The following PHF14 variants were observed in gnomAD, a reference collection of about 807,000 sequenced individuals.
PHF14 encodes PHD finger protein 14.
PHF14 carries 55 observed loss-of-function variants against 117.9 expected under a neutral mutation model. That is an observed-to-expected ratio of 0.47 (90% confidence interval 0.38 to 0.58). The LOEUF (loss-of-function observed/expected upper bound fraction) is 0.58, where lower values mean the gene tolerates loss of function less well. PHF14 is among the 20% of genes least tolerant of loss of function. The pLI is 0.00. For synonymous variants in PHF14, 409 were observed against 368.6 expected, an observed-to-expected ratio of 1.11 and a Z score of -1.26; for missense variants, 978 against 1,122.2, an observed-to-expected ratio of 0.87 and a Z score of 1.84.
At chr7:11,159,662 A>G (rs1207101880) in intron 17 of PHF14, among the ~76,000 whole-genome samples, 1 of 152,130 alleles carries the variant, frequency 6.6e-6, no homozygotes, top group Admixed American at 6.6e-5. Flanking sequence ...GCTTTGCAAG[A>G]TGTTACCATT....
intron 12 of PHF14, among the ~76,000 whole-genome samples, chr7:11,041,910 C>T (rs530989593): frequency 2.0e-5 from 3 of 150,176 alleles, no homozygotes; most frequent in African/African-American, 7.3e-5. Flanking sequence ...AAAAAAAAAA[C>T]CTAACCATCA....
At chr7:11,050,945 C>A (rs2128326523) in intron 13 of PHF14, among the ~76,000 whole-genome samples, 1 of 152,196 alleles carries the variant, frequency 6.6e-6, no homozygotes, top group East Asian at 1.9e-4. Flanking sequence ...GATATGATAA[C>A]TGTGACAAGG....
intron 4 of PHF14, among the ~76,000 whole-genome samples, chr7:10,993,181 T>C (rs1782521172): frequency 6.6e-6 from 1 of 152,132 alleles, no homozygotes; most frequent in Admixed American, 6.5e-5. Context: ...CTTTCTGGTT[T>C]ATCTGTGGTA....
intron 17 of PHF14, among the ~76,000 whole-genome samples, chr7:11,131,146 C>G (rs1398646992): frequency 6.6e-6 from 1 of 151,858 alleles, no homozygotes; most frequent in Non-Finnish European, 1.5e-5. Flanking sequence ...TATAAACATT[C>G]AGGTACAAGT....
intron 3 of PHF14, among the ~76,000 whole-genome samples, chr7:10,986,742 A>G (rs1388526346): frequency 2.0e-5 from 3 of 152,142 alleles, no homozygotes; most frequent in Admixed American, 6.5e-5. Context: ...TTTCTGAGGT[A>G]AGTTTTTTGG....
At chr7:11,003,258 A>G (rs1427485817) in intron 4 of PHF14, among the ~76,000 whole-genome samples, 1 of 152,142 alleles carries the variant, frequency 6.6e-6, no homozygotes, top group East Asian at 1.9e-4. Flanking sequence ...CCTTAAAATA[A>G]AGTTCACGCT....
At chr7:11,094,957 T>C (rs1006482081) in intron 16 of PHF14, among the ~76,000 whole-genome samples, 6 of 152,170 alleles carry the variant, frequency 3.9e-5, no homozygotes, top group African/African-American at 1.4e-4. Context: ...AGGAGTGTTA[T>C]TTCCAGTTGT....
At chr7:11,048,666 A>T (rs1784754600) in intron 13 of PHF14, among the ~76,000 whole-genome samples, 1 of 152,216 alleles carries the variant, frequency 6.6e-6, no homozygotes, top group African/African-American at 2.4e-5. Flanking sequence ...TGTACCAATT[A>T]ATGTAGCAGA....
intron 2 of PHF14, among the ~76,000 whole-genome samples, chr7:10,981,278 A>G (rs1782035662): frequency 6.6e-6 from 1 of 152,162 alleles, no homozygotes; most frequent in South Asian, 2.1e-4. Context: ...TATAGGTGCA[A>G]AAAAATTCAT....
chr7:11,109,254 C>G (rs972131551), intron 16 of PHF14: 2 of 151,650 alleles, frequency 1.3e-5, no homozygotes, highest in Non-Finnish European at 3.0e-5. Context: ...AGTTTTCAGG[C>G]AAGTGAGGAC....
At chr7:11,015,243 C>T (rs1225489588) in intron 5 of PHF14, 1 of 151,778 alleles carries the variant, frequency 6.6e-6, no homozygotes, top group Non-Finnish European at 1.5e-5. Context: ...TTATTTTTAT[C>T]ATTTTTGCCT....
At chr7:11,091,284 G>A (rs937363750) in intron 16 of PHF14, among the ~76,000 whole-genome samples, 3 of 152,184 alleles carry the variant, frequency 2.0e-5, no homozygotes, top group African/African-American at 7.2e-5. Context: ...AGCGTTTAAA[G>A]CAAACTGGAT....
At chr7:11,111,585 A>G (rs1787448259) in intron 17 of PHF14, 118 bp downstream of exon 17, 3 of 582,434 alleles carry the variant, frequency 5.2e-6, no homozygotes, top group East Asian at 2.9e-5. Context: ...CATTTTAACC[A>G]GTACACCTTA....
At chr7:11,083,343 T>C (rs188029172) in intron 16 of PHF14, among the ~76,000 whole-genome samples, 165 of 152,250 alleles carry the variant, frequency 1.1e-3, no homozygotes, top group Non-Finnish European at 1.4e-3. Context: ...TCCTCACTTA[T>C]ATTGTGCTTT....
At chr7:11,079,836 G>GT (rs1204438384) in intron 16 of PHF14, among the ~76,000 whole-genome samples, 1 of 151,782 alleles carries the variant, frequency 6.6e-6, no homozygotes, top group East Asian at 1.9e-4. Flanking sequence ...TCGTCATCCT[G>GT]TTTTTTCTTC....
At chr7:11,148,509 C>G (rs552839251) in intron 17 of PHF14, among the ~76,000 whole-genome samples, 60 of 152,272 alleles carry the variant, frequency 3.9e-4, no homozygotes, top group African/African-American at 1.4e-3. Flanking sequence ...CCTTGACTAC[C>G]TTGCCTAAGA....
At chr7:11,010,981 T>C (rs1043303790) in intron 4 of PHF14, among the ~76,000 whole-genome samples, 2 of 152,238 alleles carry the variant, frequency 1.3e-5, no homozygotes, top group African/African-American at 4.8e-5. Context: ...TAAAATTCAC[T>C]GTTATAAAAC....
rs137876205 is a variant in PHF14 at position 11,153,117 on chromosome 7, T to C, written c.2773-16299T>C. On this transcript the variant is annotated intron_variant, in intron 17 of 17. Coordinates refer to ENST00000634607, the MANE Select transcript of PHF14 (RefSeq NM_001007157.2). ...GTGTCTTACAAAGATTACTGTCTCC[T>C]GTATAAAGAATAGGTATACAATTAT... Among the ~76,000 whole-genome samples the C allele has an allele frequency of 1.3e-3, 192 of 152,326 alleles. 2 individuals are homozygous for C. The highest frequency in any genetic ancestry group is 4.5e-3 in the African/African-American group (188 of 41,574).
At chr7:11,117,238 A>G (rs549983058) in intron 17 of PHF14, among the ~76,000 whole-genome samples, 9 of 152,074 alleles carry the variant, frequency 5.9e-5, no homozygotes, top group African/African-American at 1.9e-4. Flanking sequence ...GTGAGAAGCC[A>G]TGGAGTATAC....
Sources: allele counts gnomAD v4.1 joint callset (sites outside exome capture counted in the v4.1 genomes callset), GRCh38; gene constraint gnomAD v4.1.1; transcripts MANE v1.5; gene names NCBI Gene and HGNC (gene_info 2026-07-23, HGNC 2026-07-21).